Variants in ENPP1 observed in about 807,000 individuals in gnomAD.
ENPP1 encodes the protein ectonucleotide pyrophosphatase/phosphodiesterase 1.
In ENPP1, 73 loss-of-function variants were observed where a neutral mutation model predicts 122.8. The ratio of observed to expected loss-of-function variants is 0.59; its 90% CI spans 0.49 to 0.72. The LOEUF is 0.72. Among genes scored for constraint, ENPP1 ranks in the 30% least tolerant of loss-of-function variants. The pLI, the probability that ENPP1 is intolerant of heterozygous loss-of-function variation, is 0.00. For missense variants in ENPP1, 978 were observed against 1,128.1 expected (o/e 0.87, Z 1.91); for synonymous variants, 367 against 391.6 (o/e 0.94, Z 0.74).
rs749236333 is a variant in ENPP1 at position 131,851,266 on chromosome 6, A to G, written c.555A>G (p.Gln185=). The part of the protein sequence containing the change: ...DCCINYSSVC[Q]GEKSWVEEPC... Reference sequence around the variant, plus strand: ...GCATCAACTACAGTTCTGTGTGTCAAGGTCAGGTGCTCGTTGGGCTCTGCA... The same window carrying G: ...GCATCAACTACAGTTCTGTGTGTCAGGGTCAGGTGCTCGTTGGGCTCTGCA... Residue 185 remains glutamine (Q), a splice_region_variant and synonymous_variant, in exon 4 of 25, where the codon CAA becomes CAG. Transcript: ENST00000647893. 1.9e-6 allele frequency: 3 copies of G among 1,614,018 alleles called. No individual in the cohort carries two copies. Among genetic ancestry groups the G allele is most frequent in the Non-Finnish European group, 2.5e-6 (3 of 1,179,974 alleles).
intron 1 of ENPP1, chr6:131,826,386 C>T (rs1562511671): frequency 9.9e-7 from 1 of 1,009,342 alleles, no homozygotes; most frequent in Non-Finnish European, 1.5e-6. Context: ...AGGGCAGATT[C>T]TCAATATTAA....
At chr6:131,888,290 A>G (rs939351251) in intron 24 of ENPP1, among the ~76,000 whole-genome samples, 1 of 150,478 alleles carries the variant, frequency 6.6e-6, no homozygotes, top group Non-Finnish European at 1.5e-5. Context: ...CTGAATCTGC[A>G]AAAAGATGTA....
At chr6:131,855,180 A>G (rs1048774676) in intron 6 of ENPP1, among the ~76,000 whole-genome samples, 157 bp downstream of exon 6, 1 of 152,188 alleles carries the variant, frequency 6.6e-6, no homozygotes, top group African/African-American at 2.4e-5. Context: ...CTTATCTTTA[A>G]TAGTGTGATT....
chr6:131,820,249 G>T (rs1562509535), intron 1 of ENPP1: 1 of 173,620 alleles, frequency 5.8e-6, no homozygotes, highest in Non-Finnish European at 1.2e-5. Flanking sequence ...ATCCTGATAA[G>T]AAAAATTTCG....
chr6:131,868,227 T>C (rs897999852), intron 12 of ENPP1, 101 bp downstream of exon 12: 5 of 850,848 alleles, frequency 5.9e-6, no homozygotes, highest in Non-Finnish European at 9.8e-6. Flanking sequence ...TAATTCTTTT[T>C]TAAAAATGTA....
At chr6:131,842,142 C>T (rs1214001856) in intron 1 of ENPP1, among the ~76,000 whole-genome samples, 1 of 152,168 alleles carries the variant, frequency 6.6e-6, no homozygotes, top group East Asian at 1.9e-4. Context: ...CTGTAGCTCA[C>T]CTTCCTTAAA....
intron 3 of ENPP1, among the ~76,000 whole-genome samples, chr6:131,850,423 G>A (rs181134722): frequency 6.6e-6 from 1 of 152,020 alleles, no homozygotes; most frequent in Admixed American, 6.6e-5. Context: ...TTTCATTATG[G>A]TTCTTTGACG....
intron 1 of ENPP1, among the ~76,000 whole-genome samples, chr6:131,825,163 G>A (rs1269168186): frequency 6.6e-6 from 1 of 151,974 alleles, no homozygotes; most frequent in African/African-American, 2.4e-5. Flanking sequence ...GACAAGTTCT[G>A]ATTTACTTTT....
At chr6:131,878,685 G>T in intron 19 of ENPP1, 92 bp downstream of exon 19, 1 of 923,686 alleles carries the variant, frequency 1.1e-6, no homozygotes, top group African/African-American at 1.6e-5. Context: ...GGTATTATTT[G>T]AGAATAACCA....
In ENPP1 at chr6:131,839,749, C is replaced by A. The variant is rs115032633; in HGVS notation, c.241-8027C>A. Among the ~76,000 whole-genome samples, 1,002 of 152,156 alleles carry A rather than the reference C, an allele frequency of 6.6e-3. 27 individuals carry two copies. The highest frequency in any genetic ancestry group is 0.023 in the African/African-American group (962 of 41,512). On this transcript the variant is annotated intron_variant, in intron 1 of 24. Coordinates refer to ENST00000647893, the MANE Select transcript of ENPP1 (RefSeq NM_006208.3). Reference sequence around the variant, plus strand: ...TGTTTTATCATCTGTTCTTTATACCCAATAATGTGTCATTTTTCCATGTCA... The same window carrying A: ...TGTTTTATCATCTGTTCTTTATACCAAATAATGTGTCATTTTTCCATGTCA...
intron 21 of ENPP1, 87 bp downstream of exon 21, chr6:131,882,561 A>G (rs1782325162): frequency 4.7e-6 from 3 of 643,058 alleles, no homozygotes; most frequent in Non-Finnish European, 8.0e-6. Flanking sequence ...ATAGGGTAAT[A>G]TATATATTAC....
intron 3 of ENPP1, 57 bp downstream of exon 3, chr6:131,850,163 A>G: frequency 8.4e-7 from 1 of 1,195,362 alleles, no homozygotes; most frequent in Non-Finnish European, 1.3e-6. Context: ...GATCAAGGAA[A>G]GTTCTGTGTC....
At chr6:131,841,854 A>G (rs858344) in intron 1 of ENPP1, among the ~76,000 whole-genome samples, 65,763 of 151,908 alleles carry the variant, frequency 0.43, 14,595 homozygotes, top group South Asian at 0.55. Flanking sequence ...CAAGTCCAAG[A>G]CCTCATTTCC....
intron 11 of ENPP1, among the ~76,000 whole-genome samples, chr6:131,867,035 C>T (rs896782652): frequency 3.5e-4 from 54 of 152,330 alleles, no homozygotes; most frequent in Admixed American, 3.1e-3. Flanking sequence ...ACTTGCTTTT[C>T]TGAGTCATCT....
chr6:131,834,684 C>T (rs1194489919), intron 1 of ENPP1, among the ~76,000 whole-genome samples: 1 of 152,038 alleles, frequency 6.6e-6, no homozygotes. Flanking sequence ...GCGTGTGCCA[C>T]TACGCCCAGC....
chr6:131,817,897 T>C (rs1562508665), intron 1 of ENPP1, among the ~76,000 whole-genome samples: 1 of 152,152 alleles, frequency 6.6e-6, no homozygotes, highest in Non-Finnish European at 1.5e-5. Flanking sequence ...TTCTCATTTA[T>C]GGATTGACCA....
At chr6:131,840,790 G>T (rs1446659371) in intron 1 of ENPP1, among the ~76,000 whole-genome samples, 3 of 152,154 alleles carry the variant, frequency 2.0e-5, no homozygotes, top group Non-Finnish European at 4.4e-5. Flanking sequence ...AGGATCTCAA[G>T]AAATATTTGT....
intron 1 of ENPP1, among the ~76,000 whole-genome samples, chr6:131,816,052 C>G (rs999902900): frequency 3.9e-5 from 6 of 151,976 alleles, no homozygotes; most frequent in Non-Finnish European, 8.8e-5. Flanking sequence ...CCAGCTGACT[C>G]TTTTTATCTT....
At chr6:131,890,216 C>T (rs1475312981) in intron 24 of ENPP1, 125 bp from the exon 25 acceptor site, 1 of 777,394 alleles carries the variant, frequency 1.3e-6, no homozygotes, top group Non-Finnish European at 2.3e-6. Flanking sequence ...CCTAACAAAT[C>T]ATGTGGCACG....
Sources: allele counts gnomAD v4.1 joint callset (sites outside exome capture counted in the v4.1 genomes callset), GRCh38; gene constraint gnomAD v4.1.1; transcripts MANE v1.5; gene names NCBI Gene and HGNC (gene_info 2026-07-23, HGNC 2026-07-21).